Variants in CEP250 observed in about 807,000 individuals in gnomAD.
CEP250 encodes the protein centrosome-associated protein CEP250.
CEP250 carries 242 observed loss-of-function variants against 315.7 expected under a neutral mutation model. The ratio of observed to expected loss-of-function variants is 0.77; its 90% CI spans 0.69 to 0.85. The LOEUF is 0.85. Ranked by LOEUF, CEP250 falls within the 40% of genes least tolerant of loss-of-function variation. The pLI is 0.00. For missense variants in CEP250, 2,515 were observed against 2,886.4 expected (o/e 0.87, Z 2.95); for synonymous variants, 1,088 against 1,175.0 (o/e 0.93, Z 1.51).
chr20:35,469,840 G>C, intron 9 of CEP250, 50 bp from the exon 10 acceptor site: 1 of 1,297,868 alleles, frequency 7.7e-7, no homozygotes, highest in East Asian at 2.3e-5. Flanking sequence ...TCGTAGCTCT[G>C]TCCACATCCA....
rs1349364847 is a variant in CEP250 at position 35,507,738 on chromosome 20, G to GATGA, written c.6639_6642dup (p.Leu2215Ter). 3.2e-6 allele frequency: 5 copies of GATGA among 1,552,776 alleles called. No homozygotes were observed. The highest frequency in any genetic ancestry group is 3.9e-5 in the Admixed American group (2 of 51,040). On this transcript the variant is annotated frameshift_variant and splice_region_variant, in exon 31 of 35. Coordinates refer to ENST00000397527, the MANE Select transcript of CEP250 (RefSeq NM_007186.6). LOFTEE classifies it high-confidence loss of function. Reference sequence around the variant, plus strand: ...TTTGCTCCATACCTCCGTACCCTAGGATGAACTGGAGCTCACCAGACGGGC... The same window carrying GATGA: ...TTTGCTCCATACCTCCGTACCCTAGGATGAATGAACTGGAGCTCACCAGACGGGC...
At position 35,517,405 on chromosome 20, in the gene CEP250, T is replaced by C. The variant is rs2064445961; in HGVS notation, c.*5779T>C. 6.6e-6 allele frequency: 1 copy of C among 152,170 alleles called. No homozygotes were observed. 9.4% of individuals were successfully genotyped at this position (152,170 alleles called of 1,614,324 possible). On this transcript the variant is annotated 3_prime_UTR_variant, in exon 35 of 35. Coordinates refer to ENST00000397527, the MANE Select transcript of CEP250 (RefSeq NM_007186.6). Reference sequence around the variant, plus strand: ...TTGTATATCTGAGAGAGGAGCTGCCTATTCACAGTGTAGGGTTGTCAAGCT... The same window carrying C: ...TTGTATATCTGAGAGAGGAGCTGCCCATTCACAGTGTAGGGTTGTCAAGCT...
At chr20:35,470,229 G>A in intron 10 of CEP250, 1 of 555,652 alleles carries the variant, frequency 1.8e-6, no homozygotes, top group East Asian at 3.0e-5. Context: ...TATGTATGCA[G>A]TGTGTCCTTA....
At position 35,512,125 on chromosome 20, in the gene CEP250, C is replaced by A; in HGVS notation, c.*499C>A. The A allele has an allele frequency of 1.3e-6, 1 of 784,052 alleles. No individual in the cohort carries two copies. Among genetic ancestry groups the A allele is most frequent in the Non-Finnish European group, 1.6e-6 (1 of 644,316 alleles). The allele number at this position is 784,052 out of a possible 1,614,324, so 48.6% of individuals were successfully genotyped here. A position where few individuals can be genotyped will look rare whatever the true frequency, so the allele number is the denominator to read the frequency against. ...ATAGGGAAGGGTTACAGAGAACACA[C>A]AAGACAAAGCCCCTGTCCACAGACA... On this transcript the variant is annotated 3_prime_UTR_variant, in exon 35 of 35. Transcript: ENST00000397527.
chr20:35,511,174 A>G (rs2064344727), intron 34 of CEP250, among the ~76,000 whole-genome samples, 189 bp from the exon 35 acceptor site: 1 of 152,176 alleles, frequency 6.6e-6, no homozygotes, highest in Non-Finnish European at 1.5e-5. Context: ...ATTGAGAATC[A>G]CTGGATTCTA....
At chr20:35,507,667 G>A (rs1342480800) in intron 30 of CEP250, 71 bp from the exon 31 acceptor site, 1 of 1,167,686 alleles carries the variant, frequency 8.6e-7, no homozygotes, top group Non-Finnish European at 1.3e-6. Context: ...ACCGCTGTTT[G>A]TGTGGAGGAT....
Position 35,477,905 on chromosome 20 carries a change from T to A in CEP250, c.1898T>A (p.Met633Lys). 1.3e-6 allele frequency: 2 copies of A among 1,597,882 alleles called. No individual in the cohort carries two copies. Among genetic ancestry groups the A allele is most frequent in the Middle Eastern group, 1.7e-4 (1 of 6,032 alleles). ...EEENQSVCSR[M>K]EAAEQARNAL... ...GAGAACCAGTCTGTGTGCAGCAGAA[T>A]GGAGGCCGCAGAGCAGGCGAGAAAT... The change falls in exon 17 of 35, where the codon ATG becomes AAG. Residue 633 changes from methionine (M) to lysine (K), a missense_variant. By Grantham distance (95) the Met-to-Lys change is moderately conservative. Transcript: ENST00000397527.
In CEP250 at chr20:35,459,115, G is replaced by C. The variant is rs568935020; in HGVS notation, c.-227+741G>C. 1.6e-4 allele frequency among the ~76,000 whole-genome samples: 24 copies of C among 151,408 alleles called. No individual in the cohort carries two copies. The East Asian group carries it at 4.7e-3, about 29-fold the overall frequency. ...CAAAGTGCTGGGATTACAGGTGTGA[G>C]CCACTGTGCCTGGCCATGCAAATCA... On this transcript the variant is annotated intron_variant, in intron 2 of 34. Transcript: ENST00000397527.
intron 1 of CEP250, 32 bp from the exon 2 acceptor site, chr20:35,458,272 T>A (rs1035067669): frequency 1.3e-5 from 2 of 152,178 alleles, no homozygotes; most frequent in African/African-American, 4.8e-5. Context: ...AATACATAAT[T>A]TATCTCACTC....
chr20:35,473,305 C>G (rs565361508), intron 12 of CEP250, 69 bp from the exon 13 acceptor site: 1 of 1,425,100 alleles, frequency 7.0e-7, no homozygotes, highest in Non-Finnish European at 9.6e-7. Flanking sequence ...TCCAGCCCCA[C>G]TTTCGGGGTT....
intron 30 of CEP250, among the ~76,000 whole-genome samples, chr20:35,505,536 C>T (rs1440195948): frequency 1.3e-5 from 2 of 151,836 alleles, no homozygotes; most frequent in African/African-American, 4.8e-5. Context: ...GCCTGTGATC[C>T]CAGCTACTTG....
In CEP250 at chr20:35,510,006, AG is replaced by A; in HGVS notation, c.7019del (p.Gly2340AspfsTer24). The A allele has an allele frequency of 6.2e-7, 1 of 1,614,156 alleles. No individual in the cohort carries two copies. Among genetic ancestry groups the A allele is most frequent in the Non-Finnish European group, 8.5e-7 (1 of 1,179,982 alleles). ...ASSPTQQDGR[G>X]QKNSDAKCVA... ...CTGTTTGTCTTCCTTAGGATGGGAG[AG>A]GACAGAAGAACTCAGATGCCAAGTG... On this transcript the variant is annotated frameshift_variant, in exon 34 of 35. Coordinates refer to ENST00000397527, the MANE Select transcript of CEP250 (RefSeq NM_007186.6). LOFTEE classifies it high-confidence loss of function.
chr20:35,461,596 C>T lies in CEP250; in HGVS notation c.-103-669C>T, dbSNP rs926342995. Among the ~76,000 whole-genome samples, 3 of 152,182 alleles carry T rather than the reference C, an allele frequency of 2.0e-5. No individual in the cohort carries two copies. The South Asian group carries it at 6.2e-4, about 32-fold the overall frequency. Reference sequence around the variant, plus strand: ...AATGCCTGCTACCCCTTTTCTTTGTCAGATAGACTACTTGTGTTCAAATCT... The same window carrying T: ...AATGCCTGCTACCCCTTTTCTTTGTTAGATAGACTACTTGTGTTCAAATCT... On this transcript the variant is annotated intron_variant, in intron 3 of 34. Transcript: ENST00000397527.
At position 35,475,514 on chromosome 20, in the gene CEP250, G is replaced by T. The variant is rs1042084485; in HGVS notation, c.1584G>T (p.Leu528=). The stretch of plus-strand genomic sequence containing the variant: ...TTTCCCATCTTAGTCAGGAGATGCT[G>T]ATGGGCCTGGAAGCCAAACAGTCAG... ...VRERERLQEM[L]MGLEAKQSES... The change falls in exon 15 of 35, where the codon CTG becomes CTT. Residue 528 remains leucine, a synonymous_variant. Coordinates refer to ENST00000397527, the MANE Select transcript of CEP250 (RefSeq NM_007186.6). 6.2e-7 allele frequency: 1 copy of T among 1,614,108 alleles called. No homozygotes were observed. The highest frequency in any genetic ancestry group is 1.3e-5 in the African/African-American group (1 of 75,054).
At chr20:35,464,119 C>T (rs2062818958) in intron 5 of CEP250, among the ~76,000 whole-genome samples, 1 of 152,206 alleles carries the variant, frequency 6.6e-6, no homozygotes, top group Non-Finnish European at 1.5e-5. Context: ...GCAGTCCAGG[C>T]AGCATGAGGC....
In CEP250 at chr20:35,511,966, T is replaced by G; in HGVS notation, c.*340T>G. ...CCTTCAACAATAAACCCTGGGATCT[T>G]TGCATTCATTTTCTGCTGCTGTCTC... On this transcript the variant is annotated 3_prime_UTR_variant, in exon 35 of 35. Coordinates refer to ENST00000397527, the MANE Select transcript of CEP250 (RefSeq NM_007186.6). 9.2e-7 allele frequency: 1 copy of G among 1,082,968 alleles called. No individual in the cohort carries two copies. The highest frequency in any genetic ancestry group is 6.5e-5 in the East Asian group (1 of 15,466). The allele number at this position is 1,082,968 out of a possible 1,614,324, so 67.1% of individuals were successfully genotyped here.
At chr20:35,489,347 T>C (rs1601236809) in intron 20 of CEP250, among the ~76,000 whole-genome samples, 1 of 152,314 alleles carries the variant, frequency 6.6e-6, no homozygotes, top group South Asian at 2.1e-4. Flanking sequence ...ACGACAAACT[T>C]ACAAGCATTT....
At chr20:35,480,488 G>T (rs2063315440) in intron 20 of CEP250, among the ~76,000 whole-genome samples, 1 of 150,974 alleles carries the variant, frequency 6.6e-6, no homozygotes, top group African/African-American at 2.4e-5. Flanking sequence ...ACTGTGTTTT[G>T]TCTTTTAATA....
Position 35,491,226 on chromosome 20 carries a change from A to G in CEP250, c.2769A>G (p.Thr923=). The G allele has an allele frequency of 6.2e-7, 1 of 1,611,422 alleles. No homozygotes were observed. Among genetic ancestry groups the G allele is most frequent in the East Asian group, 2.2e-5 (1 of 44,856 alleles). ...ESALCQMQLE[T]EKERVSLLET... is the part of the protein sequence containing the mutation. ...CCCCTCCACAGATGCAGCTGGAAAC[A>G]GAGAAGGAGAGAGTATCCCTCCTGG... Residue 923 remains threonine, a synonymous_variant, in exon 22 of 35, where the codon ACA becomes ACG. Transcript: ENST00000397527.
Sources: gnomAD v4.1 joint callset for allele counts (sites outside exome capture counted in the v4.1 genomes callset) on GRCh38, gnomAD v4.1.1 for gene constraint, MANE v1.5 for transcripts, NCBI Gene and HGNC (gene_info 2026-07-23, HGNC 2026-07-21) for gene names.